Variants in PLEKHF2 observed in about 807,000 individuals in gnomAD.
The protein encoded by PLEKHF2 is pleckstrin homology domain-containing family F member 2.
A neutral mutation model predicts 14.7 loss-of-function variants in PLEKHF2; 4 were observed. That is an observed-to-expected ratio of 0.27 (90% CI 0.13 to 0.62). PLEKHF2 has a LOEUF of 0.62. PLEKHF2 is among the 20% of genes least tolerant of loss of function. PLEKHF2 has a pLI of 0.85. For synonymous variants in PLEKHF2, 90 were observed against 103.5 expected, an observed-to-expected ratio of 0.87 and a Z score of 0.79; for missense variants, 201 against 307.7, an observed-to-expected ratio of 0.65 and a Z score of 2.60.
chr8:95,154,032 C>A lies in PLEKHF2; in HGVS notation c.-13C>A. 6.5e-7 allele frequency: 1 copy of A among 1,528,898 alleles called. No individual in the cohort carries two copies. Among genetic ancestry groups the A allele is most frequent in the Non-Finnish European group, 8.8e-7 (1 of 1,138,578 alleles). 94.7% of individuals were successfully genotyped at this position (1,528,898 alleles called of 1,614,324 possible). ...ATTTCTTTTTCTTTTTTTTAAAAGGCTATTAGTGAAAGATGGTGGATCGCT... is the reference window on the plus strand; with the variant it reads ...ATTTCTTTTTCTTTTTTTTAAAAGGATATTAGTGAAAGATGGTGGATCGCT... On this transcript the variant is annotated splice_region_variant and 5_prime_UTR_variant, in exon 2 of 2. Coordinates refer to ENST00000315367, the MANE Select transcript of PLEKHF2 (RefSeq NM_024613.4). This position sits in a 1 kb window ranked among gnomAD's most constrained non-coding sequence, Gnocchi z 5.6.
At chr8:95,137,882 G>T (rs189380963) in intron 1 of PLEKHF2, among the ~76,000 whole-genome samples, 1 of 152,292 alleles carries the variant, frequency 6.6e-6, no homozygotes, top group East Asian at 1.9e-4. Flanking sequence ...GCGATGCAAG[G>T]GTCTGTTTTC....
At chr8:95,139,345 C>T (rs1158900040) in intron 1 of PLEKHF2, among the ~76,000 whole-genome samples, 1 of 152,034 alleles carries the variant, frequency 6.6e-6, no homozygotes, top group East Asian at 1.9e-4. Flanking sequence ...CCCGTCTCTA[C>T]AAAATACACA....
At chr8:95,138,852 T>C (rs1378547608) in intron 1 of PLEKHF2, among the ~76,000 whole-genome samples, 1 of 152,232 alleles carries the variant, frequency 6.6e-6, no homozygotes, top group Non-Finnish European at 1.5e-5. Flanking sequence ...CTTTTCTATA[T>C]TATAGACAAA....
chr8:95,156,053 AT>A lies in PLEKHF2; in HGVS notation c.*1263del. ...GTGAACTTTAAGTCAATCTAGATTT[AT>A]TTTGAGAAGTAATTGTTCACTCTTT... On this transcript the variant is annotated 3_prime_UTR_variant, in exon 2 of 2. Transcript: ENST00000315367. 1 of 167,138 alleles carries A rather than the reference AT, an allele frequency of 6.0e-6. No individual in the cohort carries two copies. The highest frequency in any genetic ancestry group is 1.9e-4 in the East Asian group (1 of 5,196). The allele number at this position is 167,138 out of a possible 1,614,324, so 10.4% of individuals were successfully genotyped here. A position where few individuals can be genotyped will look rare whatever the true frequency, so the allele number is the denominator to read the frequency against.
chr8:95,140,192 C>G (rs947727411), intron 1 of PLEKHF2, among the ~76,000 whole-genome samples: 3 of 152,238 alleles, frequency 2.0e-5, no homozygotes, highest in African/African-American at 7.2e-5. Context: ...AAGCTAGCAT[C>G]TGCCCAGTGG....
chr8:95,151,907 G>A (rs922025858), intron 1 of PLEKHF2, among the ~76,000 whole-genome samples: 4 of 152,076 alleles, frequency 2.6e-5, no homozygotes, highest in Non-Finnish European at 5.9e-5. Context: ...TGTGCTTACA[G>A]ATACAGATGT....
At chr8:95,145,707 A>G (rs1327254876) in intron 1 of PLEKHF2, among the ~76,000 whole-genome samples, 1 of 152,188 alleles carries the variant, frequency 6.6e-6, no homozygotes, top group African/African-American at 2.4e-5. Context: ...TACAGGCGTG[A>G]GCCACTGCGC....
chr8:95,135,740 C>A (rs774181854), intron 1 of PLEKHF2, among the ~76,000 whole-genome samples: 1 of 152,196 alleles, frequency 6.6e-6, no homozygotes, highest in Non-Finnish European at 1.5e-5. Context: ...AGCAGCCAAA[C>A]TGGTATTTAA....
intron 1 of PLEKHF2, among the ~76,000 whole-genome samples, chr8:95,138,414 A>C (rs1587303397): frequency 1.1e-5 from 1 of 88,366 alleles, no homozygotes; most frequent in African/African-American, 3.8e-5. Flanking sequence ...TACTTGTTTC[A>C]TTTAAACAAC....
intron 1 of PLEKHF2, among the ~76,000 whole-genome samples, chr8:95,141,596 G>A (rs1348731295): frequency 6.6e-6 from 1 of 151,990 alleles, no homozygotes. Context: ...CACGATCTTG[G>A]CTCACTGCAA....
At chr8:95,137,739 A>G (rs371650155) in intron 1 of PLEKHF2, among the ~76,000 whole-genome samples, 2 of 152,334 alleles carry the variant, frequency 1.3e-5, no homozygotes, top group African/African-American at 4.8e-5. Context: ...GAATGGCCAC[A>G]TTTGGAACTA....
intron 1 of PLEKHF2, among the ~76,000 whole-genome samples, chr8:95,135,354 C>G (rs1189297211): frequency 6.6e-6 from 1 of 152,190 alleles, no homozygotes; most frequent in African/African-American, 2.4e-5. Context: ...AATACAGCTT[C>G]TGCTCATATT....
intron 1 of PLEKHF2, among the ~76,000 whole-genome samples, chr8:95,144,257 T>TG (rs957077327): frequency 2.6e-5 from 4 of 152,304 alleles, no homozygotes; most frequent in African/African-American, 9.6e-5. Flanking sequence ...GTGTGACTGT[T>TG]CTGATTTTCC....
At position 95,155,831 on chromosome 8, in the gene PLEKHF2, T is replaced by C. The variant is rs1400467148; in HGVS notation, c.*1037T>C. ...CAAGGCAGACCACTTTAAGTTTGGC[T>C]AGACTTCATATCGTGGAAGTATTGT... is the stretch of plus-strand genomic sequence containing the variant. On this transcript the variant is annotated 3_prime_UTR_variant, in exon 2 of 2. Coordinates refer to ENST00000315367, the MANE Select transcript of PLEKHF2 (RefSeq NM_024613.4). 1 of 167,088 alleles carries C rather than the reference T, an allele frequency of 6.0e-6. No individual in the cohort carries two copies. The highest frequency in any genetic ancestry group is 1.5e-5 in the Non-Finnish European group (1 of 68,104). The allele number at this position is 167,088 out of a possible 1,614,324, so 10.4% of individuals were successfully genotyped here. A position where few individuals can be genotyped will look rare whatever the true frequency, so the allele number is the denominator to read the frequency against.
chr8:95,140,933 TTTTG>T (rs761924467), intron 1 of PLEKHF2, among the ~76,000 whole-genome samples: 15 of 152,184 alleles, frequency 9.9e-5, no homozygotes, highest in Non-Finnish European at 1.6e-4. Flanking sequence ...CCCTTCCTTG[TTTTG>T]TTTTTTTCCT....
rs144194148 is a variant in PLEKHF2, at chr8:95,155,061, G to C, written c.*267G>C. 4 of 414,880 alleles carry C rather than the reference G, an allele frequency of 9.6e-6. No homozygotes were observed. Among genetic ancestry groups the C allele is most frequent in the Middle Eastern group, 1.4e-3 (2 of 1,468 alleles). The allele number at this position is 414,880 out of a possible 1,614,324, so 25.7% of individuals were successfully genotyped here. On this transcript the variant is annotated 3_prime_UTR_variant, in exon 2 of 2. Coordinates refer to ENST00000315367, the MANE Select transcript of PLEKHF2 (RefSeq NM_024613.4). Reference sequence around the variant, plus strand: ...TATTTTTAGGTTATTTTCTTGGAAGGTTGGGAAAAGATGTTTGTTTTAACA... The same window carrying C: ...TATTTTTAGGTTATTTTCTTGGAAGCTTGGGAAAAGATGTTTGTTTTAACA...
intron 1 of PLEKHF2, among the ~76,000 whole-genome samples, chr8:95,145,801 T>A (rs1810494490): frequency 6.6e-6 from 1 of 152,240 alleles, no homozygotes; most frequent in Non-Finnish European, 1.5e-5. Context: ...TTATTCTGGT[T>A]ACTAGACTGT....
intron 1 of PLEKHF2, among the ~76,000 whole-genome samples, chr8:95,143,388 C>A (rs189721386): frequency 6.6e-6 from 1 of 152,162 alleles, no homozygotes; most frequent in African/African-American, 2.4e-5. Flanking sequence ...CGTGGGACAC[C>A]GCGCCCGGCC....
intron 1 of PLEKHF2, among the ~76,000 whole-genome samples, chr8:95,134,783 G>C (rs1810357748): frequency 2.0e-5 from 3 of 152,094 alleles, no homozygotes; most frequent in Non-Finnish European, 4.4e-5. Context: ...AGCCCTCCTC[G>C]GTAATTCATA....
Sources: allele counts gnomAD v4.1 joint callset (sites outside exome capture counted in the v4.1 genomes callset), GRCh38; gene constraint gnomAD v4.1.1; non-coding constraint Gnocchi (gnomAD v3.1); transcripts MANE v1.5; gene names NCBI Gene and HGNC (gene_info 2026-07-23, HGNC 2026-07-21).